Variants in AXIN1 observed in about 807,000 individuals in gnomAD.
The protein encoded by AXIN1 is axin-1.
Under a neutral mutation model 76.4 loss-of-function variants are expected in AXIN1, and 30 were observed. That is an observed-to-expected ratio of 0.39 (90% CI 0.29 to 0.53). The LOEUF is 0.53. Ranked by LOEUF, AXIN1 falls within the 20% of genes least tolerant of loss-of-function variation. The pLI is 0.66. For synonymous variants in AXIN1, 545 were observed against 501.4 expected (o/e 1.09, Z -1.16); for missense variants, 1,140 against 1,198.8 (o/e 0.95, Z 0.72).
chr16:327,404 G>T (rs1036924575), intron 2 of AXIN1, among the ~76,000 whole-genome samples: 7 of 152,362 alleles, frequency 4.6e-5, no homozygotes, highest in African/African-American at 1.2e-4. Flanking sequence ...CACCAGGCAG[G>T]AGCTTCCGGC....
At chr16:305,056 G>C (rs545812253) in intron 4 of AXIN1, among the ~76,000 whole-genome samples, 1 of 152,206 alleles carries the variant, frequency 6.6e-6, no homozygotes, top group Admixed American at 6.5e-5. Context: ...CTTCAGAGAA[G>C]CACTCGAGGA....
At chr16:339,126 C>T (rs2141677626) in intron 2 of AXIN1, among the ~76,000 whole-genome samples, 1 of 150,632 alleles carries the variant, frequency 6.6e-6, no homozygotes, top group Admixed American at 6.6e-5. Context: ...ACCTGCAACC[C>T]CTGCACTTTG....
In AXIN1 at chr16:293,370, G is replaced by A; in HGVS notation, c.2186+118C>T. On this transcript the variant is annotated intron_variant, in intron 8 of 10. Coordinates refer to ENST00000262320, the MANE Select transcript of AXIN1 (RefSeq NM_003502.4). This position sits in a 1 kb window ranked among gnomAD's most constrained non-coding sequence, Gnocchi z 4.6. ...GTGGATGGAAGGGCCCAGTATGGCT[G>A]GGGGACACCCAGAGGGCCGTTTTTC... 4 of 1,019,418 alleles carry A rather than the reference G, an allele frequency of 3.9e-6. No homozygotes were observed. Among genetic ancestry groups the A allele is most frequent in the Non-Finnish European group, 5.8e-6 (4 of 687,690 alleles). The allele number at this position is 1,019,418 out of a possible 1,614,324, so 63.1% of individuals were successfully genotyped here.
intron 2 of AXIN1, among the ~76,000 whole-genome samples, chr16:317,000 C>T (rs775625431): frequency 7.2e-5 from 11 of 152,220 alleles, no homozygotes; most frequent in Admixed American, 3.3e-4. Context: ...CCGCCCTCCA[C>T]GTGCACATGG....
Position 288,056 on chromosome 16 carries a change from T to G in AXIN1, c.*66A>C, listed in dbSNP as rs2052434251. On this transcript the variant is annotated 3_prime_UTR_variant, in exon 11 of 11. Transcript: ENST00000262320. ...TCGGGCTCCTGAGTACGAGGTCATC[T>G]GCCTGGCCGTGACACCCGTGCCCGC... The G allele has an allele frequency of 6.2e-7, 1 of 1,610,386 alleles. No individual in the cohort carries two copies. Among genetic ancestry groups the G allele is most frequent in the Admixed American group, 1.7e-5 (1 of 60,020 alleles).
intron 1 of AXIN1, among the ~76,000 whole-genome samples, chr16:348,220 A>G (rs1420005171): frequency 6.6e-6 from 1 of 152,234 alleles, no homozygotes; most frequent in African/African-American, 2.4e-5. Context: ...CAACCCGGCC[A>G]TGCAGGTGAC....
chr16:346,574 T>C lies in AXIN1; in HGVS notation c.452A>G (p.Asp151Gly), dbSNP rs1567308087. 5 of 1,612,932 alleles carry C rather than the reference T, an allele frequency of 3.1e-6. No individual in the cohort carries two copies. Among genetic ancestry groups the C allele is most frequent in the Middle Eastern group, 1.7e-4 (1 of 6,046 alleles). ...ARAIYRKYIL[D>G]NNGIVSRQTK... The stretch of plus-strand genomic sequence containing the variant: ...CTGCCGGGACACGATGCCATTGTTA[T>C]CAAGAATGTACTTTCGGTAGATGGC... The change falls in exon 2 of 11, where the codon GAT becomes GGT. Residue 151 changes from aspartate to glycine, a missense_variant. Around this residue, in one of 3 missense-constraint regions of AXIN1, gnomAD observed 708 missense variants for 776.9 expected, o/e 0.91. Coordinates refer to ENST00000262320, the MANE Select transcript of AXIN1 (RefSeq NM_003502.4).
chr16:343,211 A>T (rs1597118121), intron 2 of AXIN1, among the ~76,000 whole-genome samples: 1 of 152,212 alleles, frequency 6.6e-6, no homozygotes, highest in East Asian at 1.9e-4. Flanking sequence ...AGGAGAAGCC[A>T]ATGTATCCCA....
At chr16:337,490 T>A in intron 2 of AXIN1, among the ~76,000 whole-genome samples, 4 of 91,076 alleles carry the variant, frequency 4.4e-5, no homozygotes, top group African/African-American at 2.0e-4. Flanking sequence ...CCAGAGTGGG[T>A]CAAAACCAAA....
At chr16:294,180 A>G (rs2052645861) in intron 7 of AXIN1, among the ~76,000 whole-genome samples, 1 of 151,922 alleles carries the variant, frequency 6.6e-6, no homozygotes, top group African/African-American at 2.4e-5. Context: ...AAAGACAACA[A>G]AAAACCAACC....
At chr16:310,973 C>T (rs2053161572) in intron 3 of AXIN1, among the ~76,000 whole-genome samples, 1 of 152,252 alleles carries the variant, frequency 6.6e-6, no homozygotes, top group African/African-American at 2.4e-5. Context: ...TCTCCAGGAG[C>T]TGGCAGGGCA....
intron 2 of AXIN1, among the ~76,000 whole-genome samples, chr16:331,061 C>T (rs775067857): frequency 2.0e-5 from 3 of 152,166 alleles, no homozygotes; most frequent in Non-Finnish European, 4.4e-5. Context: ...ACATCACTTA[C>T]CCAGAACCAG....
intron 2 of AXIN1, among the ~76,000 whole-genome samples, chr16:327,185 C>T (rs188910249): frequency 7.9e-4 from 120 of 152,042 alleles, no homozygotes; most frequent in Non-Finnish European, 1.5e-3. Flanking sequence ...TCCCAGAATA[C>T]TCCACCTACG....
Position 293,343 on chromosome 16 carries a change from C to T in AXIN1, c.2186+145G>A. The T allele has an allele frequency of 1.2e-6, 1 of 815,950 alleles. No homozygotes were observed. The highest frequency in any genetic ancestry group is 1.9e-6 in the Non-Finnish European group (1 of 519,614). 50.5% of individuals were successfully genotyped at this position (815,950 alleles called of 1,614,324 possible). ...TGCCACGTGGCCCCTCAGTGGTTCT[C>T]AGTGGATGGAAGGGCCCAGTATGGC... On this transcript the variant is annotated intron_variant, in intron 8 of 10. Coordinates refer to ENST00000262320, the MANE Select transcript of AXIN1 (RefSeq NM_003502.4). This position sits in a 1 kb window ranked among gnomAD's most constrained non-coding sequence, Gnocchi z 4.6.
chr16:309,293 C>CAAA (rs56239336), intron 4 of AXIN1, among the ~76,000 whole-genome samples: 1 of 146,210 alleles, frequency 6.8e-6, no homozygotes, highest in African/African-American at 2.5e-5. Flanking sequence ...ACTCCTATCT[C>CAAA]AAAAAAAAAA....
intron 5 of AXIN1, among the ~76,000 whole-genome samples, chr16:301,046 G>A (rs1469030829): frequency 5.3e-5 from 8 of 152,136 alleles, no homozygotes; most frequent in South Asian, 2.1e-4. Context: ...CGAGGCGGGT[G>A]GATCACAAGG....
chr16:351,485 C>G (rs933266146), intron 1 of AXIN1, among the ~76,000 whole-genome samples: 1 of 152,070 alleles, frequency 6.6e-6, no homozygotes, highest in Non-Finnish European at 1.5e-5. Context: ...TGGCGCATGC[C>G]TGTTATCCCA....
At chr16:326,666 A>G (rs949029204) in intron 2 of AXIN1, among the ~76,000 whole-genome samples, 2 of 151,420 alleles carry the variant, frequency 1.3e-5, no homozygotes, top group African/African-American at 4.9e-5. Flanking sequence ...GAATCACTTG[A>G]ACCTGGGAGG....
At chr16:340,150 C>A (rs993834417) in intron 2 of AXIN1, among the ~76,000 whole-genome samples, 8 of 152,142 alleles carry the variant, frequency 5.3e-5, no homozygotes, top group African/African-American at 1.7e-4. Flanking sequence ...CGCACCCCTG[C>A]GGGAACCTGA....
Sources: gnomAD v4.1 joint callset for allele counts (sites outside exome capture counted in the v4.1 genomes callset) on GRCh38, gnomAD v4.1.1 for gene constraint, gnomAD v4.1.1 regional missense constraint, Gnocchi (gnomAD v3.1) non-coding constraint, MANE v1.5 for transcripts, NCBI Gene and HGNC (gene_info 2026-07-23, HGNC 2026-07-21) for gene names.